CACNB2: variants seen among roughly 807,000 people sequenced by gnomAD.
CACNB2 encodes calcium voltage-gated channel auxiliary subunit beta 2.
Under a neutral mutation model 73.3 loss-of-function variants are expected in CACNB2, and 42 were observed. That is an observed-to-expected ratio of 0.57 (90% CI 0.45 to 0.74). The LOEUF (loss-of-function observed/expected upper bound fraction) is 0.74, where lower values mean the gene tolerates loss of function less well. Ranked by LOEUF, CACNB2 falls within the 30% of genes least tolerant of loss-of-function variation. The probability of loss-of-function intolerance (pLI) is 0.00; values close to 1 mark genes in which losing one functional copy is unlikely to be tolerated. For synonymous variants in CACNB2, 348 were observed against 310.3 expected (o/e 1.12, Z -1.28); for missense variants, 940 against 853.0 (o/e 1.10, Z -1.27).
intron 2 of CACNB2, among the ~76,000 whole-genome samples, chr10:18,216,483 C>A (rs889360002): frequency 1.3e-5 from 2 of 152,202 alleles, no homozygotes; most frequent in South Asian, 2.1e-4. Flanking sequence ...ACATATCCCA[C>A]GTAAGCATGT....
intron 3 of CACNB2, among the ~76,000 whole-genome samples, chr10:18,440,507 A>G (rs1372976625): frequency 1.3e-5 from 2 of 152,102 alleles, no homozygotes; most frequent in Non-Finnish European, 2.9e-5. Flanking sequence ...CCTCATGGCA[A>G]AAAATCAAAA....
intron 9 of CACNB2, among the ~76,000 whole-genome samples, chr10:18,526,881 A>G (rs926224956): frequency 6.6e-6 from 1 of 152,178 alleles, no homozygotes; most frequent in Non-Finnish European, 1.5e-5. Context: ...TAGGGTCAGG[A>G]GTCTGGGTTC....
At chr10:18,473,493 C>T (rs1234196986) in intron 3 of CACNB2, among the ~76,000 whole-genome samples, 1 of 152,184 alleles carries the variant, frequency 6.6e-6, no homozygotes, top group African/African-American at 2.4e-5. Flanking sequence ...AATTCAGAAT[C>T]ACCAGTGCTA....
chr10:18,233,182 C>T (rs559827179), intron 2 of CACNB2, among the ~76,000 whole-genome samples: 2 of 152,264 alleles, frequency 1.3e-5, no homozygotes, highest in Admixed American at 6.5e-5. Flanking sequence ...GACAGGGCGG[C>T]AGATAAGTCC....
intron 3 of CACNB2, among the ~76,000 whole-genome samples, chr10:18,473,615 AC>A (rs1244894443): frequency 1.3e-5 from 2 of 152,130 alleles, no homozygotes; most frequent in Non-Finnish European, 2.9e-5. Context: ...ATCAGTCAAT[AC>A]TTTTCTGGTG....
intron 2 of CACNB2, among the ~76,000 whole-genome samples, chr10:18,240,047 C>A (rs2131498462): frequency 6.6e-6 from 1 of 152,232 alleles, no homozygotes; most frequent in East Asian, 1.9e-4. Context: ...TATTTAAAAA[C>A]TTTTTTAAAA....
At chr10:18,157,872 G>T (rs2131073796) in intron 2 of CACNB2, among the ~76,000 whole-genome samples, 1 of 152,252 alleles carries the variant, frequency 6.6e-6, no homozygotes, top group South Asian at 2.1e-4. Flanking sequence ...TTCTGTACCG[G>T]AAAGTGAGAA....
At chr10:18,523,991 T>C (rs2052185951) in intron 9 of CACNB2, among the ~76,000 whole-genome samples, 2 of 152,148 alleles carry the variant, frequency 1.3e-5, no homozygotes, top group Non-Finnish European at 2.9e-5. Context: ...CACATTCTGG[T>C]TAAGTAGTGT....
intron 11 of CACNB2, among the ~76,000 whole-genome samples, chr10:18,534,501 G>T (rs2053368299): frequency 6.6e-6 from 1 of 152,110 alleles, no homozygotes; most frequent in South Asian, 2.1e-4. Flanking sequence ...GACATTATTT[G>T]CCATTTTCAC....
chr10:18,233,344 C>T (rs1564364227), intron 2 of CACNB2, among the ~76,000 whole-genome samples: 1 of 152,036 alleles, frequency 6.6e-6, no homozygotes, highest in Non-Finnish European at 1.5e-5. Context: ...AGCCATATTG[C>T]CACTTTTCTA....
At chr10:18,203,200 A>G (rs1042178954) in intron 2 of CACNB2, among the ~76,000 whole-genome samples, 2 of 152,232 alleles carry the variant, frequency 1.3e-5, no homozygotes, top group African/African-American at 4.8e-5. Context: ...GCCAGCTTGA[A>G]GTAGACACAG....
intron 2 of CACNB2, among the ~76,000 whole-genome samples, chr10:18,355,665 C>G (rs1313017408): frequency 2.0e-5 from 3 of 146,588 alleles, no homozygotes; most frequent in Non-Finnish European, 4.5e-5. Flanking sequence ...GAGACAGAGT[C>G]TTGCTCTGTC....
chr10:18,447,588 G>A (rs1199696842), intron 3 of CACNB2, among the ~76,000 whole-genome samples: 2 of 152,136 alleles, frequency 1.3e-5, no homozygotes, highest in Non-Finnish European at 2.9e-5. Flanking sequence ...AACGTCAAAT[G>A]CTGCAGAGAG....
intron 2 of CACNB2, among the ~76,000 whole-genome samples, chr10:18,247,818 T>G (rs1475657133): frequency 6.6e-6 from 1 of 152,138 alleles, no homozygotes; most frequent in Non-Finnish European, 1.5e-5. Context: ...GAGGACCACC[T>G]TTTCTGGGGT....
chr10:18,477,242 A>G (rs992297418), intron 3 of CACNB2, among the ~76,000 whole-genome samples: 27 of 152,138 alleles, frequency 1.8e-4, no homozygotes, highest in African/African-American at 6.5e-4. Flanking sequence ...AGGGAAGACG[A>G]CCAGAGATCA....
chr10:18,289,523 T>G (rs2038971435), intron 2 of CACNB2, among the ~76,000 whole-genome samples: 1 of 152,116 alleles, frequency 6.6e-6, no homozygotes, highest in African/African-American at 2.4e-5. Context: ...CTTAATCTCC[T>G]GACCTCGTGA....
intron 3 of CACNB2, among the ~76,000 whole-genome samples, chr10:18,497,075 G>A (rs1354688284): frequency 1.3e-5 from 2 of 151,512 alleles, no homozygotes; most frequent in East Asian, 3.9e-4. Context: ...AGCTGGGCGT[G>A]GTGGCTCACG....
At chr10:18,183,794 T>C (rs1465956605) in intron 2 of CACNB2, among the ~76,000 whole-genome samples, 1 of 152,152 alleles carries the variant, frequency 6.6e-6, no homozygotes, top group Non-Finnish European at 1.5e-5. Context: ...TGTGAACCTA[T>C]GGGTGCCCTA....
chr10:18,227,756 G>C (rs188747194), intron 2 of CACNB2, among the ~76,000 whole-genome samples: 1 of 152,272 alleles, frequency 6.6e-6, no homozygotes, highest in East Asian at 1.9e-4. Context: ...AGTATGCTGC[G>C]TGCCTCACCG....
Sources: allele counts gnomAD v4.1 joint callset (sites outside exome capture counted in the v4.1 genomes callset), GRCh38; gene constraint gnomAD v4.1.1; transcripts MANE v1.5; gene names NCBI Gene and HGNC (gene_info 2026-07-23, HGNC 2026-07-21).